IGF1R: variants seen among roughly 807,000 people sequenced by gnomAD.
IGF1R encodes the protein insulin like growth factor 1 receptor.
Under a neutral mutation model 144.6 loss-of-function variants are expected in IGF1R, and 44 were observed. The observed-to-expected ratio is 0.30, with a 90% CI of 0.24 to 0.39. The LOEUF is 0.39. Among genes scored for constraint, IGF1R ranks in the 10% least tolerant of loss-of-function variants. The pLI, the probability that IGF1R is intolerant of heterozygous loss-of-function variation, is 1.00. For missense variants in IGF1R, 1,355 were observed against 1,833.7 expected, an observed-to-expected ratio of 0.74 and a Z score of 4.77; for synonymous variants, 795 against 722.8, an observed-to-expected ratio of 1.10 and a Z score of -1.60.
chr15:98,659,887 A>T (rs1343100047), intron 1 of IGF1R, among the ~76,000 whole-genome samples: 1 of 152,210 alleles, frequency 6.6e-6, no homozygotes, highest in East Asian at 1.9e-4. Flanking sequence ...TATGTGGTTA[A>T]GATGCTCGCC....
chr15:98,696,172 CTCTCTATTGCAATTCCAA>C (rs1382791812), intron 1 of IGF1R, among the ~76,000 whole-genome samples: 3 of 152,008 alleles, frequency 2.0e-5, no homozygotes, highest in Non-Finnish European at 1.5e-5. Context: ...CATTTATTTC[CTCTCTATTGCAATTCCAA>C]TCTGTTGATC....
At chr15:98,753,587 T>G (rs1367502087) in intron 2 of IGF1R, among the ~76,000 whole-genome samples, 4 of 151,878 alleles carry the variant, frequency 2.6e-5, no homozygotes, top group African/African-American at 9.7e-5. Context: ...ATGTGGGTTT[T>G]TTTTCCTCCT....
intron 19 of IGF1R, among the ~76,000 whole-genome samples, chr15:98,943,348 C>A (rs1172857894): frequency 6.6e-6 from 1 of 152,220 alleles, no homozygotes. Context: ...GCCGTCACCT[C>A]TTTTTGTTTC....
At chr15:98,867,245 A>C (rs1361093032) in intron 2 of IGF1R, among the ~76,000 whole-genome samples, 1 of 152,186 alleles carries the variant, frequency 6.6e-6, no homozygotes, top group Non-Finnish European at 1.5e-5. Context: ...TTTGCGCAGC[A>C]ACAAAAGCCA....
chr15:98,785,343 A>C (rs1161937401), intron 2 of IGF1R, among the ~76,000 whole-genome samples: 1 of 152,208 alleles, frequency 6.6e-6, no homozygotes, highest in African/African-American at 2.4e-5. Context: ...TTATCCTTCT[A>C]TCAGATGTCA....
intron 2 of IGF1R, among the ~76,000 whole-genome samples, chr15:98,772,237 A>C (rs1014805566): frequency 4.6e-5 from 7 of 152,274 alleles, no homozygotes; most frequent in Admixed American, 4.6e-4. Context: ...AATTGGTGAA[A>C]TACCAACTTT....
chr15:98,930,073 T>C (rs948726402), intron 14 of IGF1R, among the ~76,000 whole-genome samples, 162 bp from the exon 15 acceptor site: 1 of 152,258 alleles, frequency 6.6e-6, no homozygotes, highest in Non-Finnish European at 1.5e-5. Flanking sequence ...CAGGCCTGAA[T>C]TGGGAGTGTA....
In IGF1R at chr15:98,909,245, T is replaced by TC. The variant is rs2014879143; in HGVS notation, c.1462+346_1462+347insC. Among the ~76,000 whole-genome samples the TC allele has an allele frequency of 1.3e-4, 3 of 22,274 alleles. No individual in the cohort carries two copies. In the South Asian group the frequency reaches 0.01, roughly 77 times the overall value. 14.6% of individuals were successfully genotyped at this position (22,274 alleles called of 152,430 possible). On this transcript the variant is annotated intron_variant, in intron 6 of 20. Coordinates refer to ENST00000650285, the MANE Select transcript of IGF1R (RefSeq NM_000875.5). Reference sequence around the variant, plus strand: ...ATTTCTCTTTCTTTTTTCTTTTCTTTTTTTTCTTTTTTTTTCTTTTTTTTT... The same window carrying TC: ...ATTTCTCTTTCTTTTTTCTTTTCTTTCTTTTTCTTTTTTTTTCTTTTTTTTT...
At chr15:98,826,270 A>T (rs890548039) in intron 2 of IGF1R, among the ~76,000 whole-genome samples, 1 of 152,250 alleles carries the variant, frequency 6.6e-6, no homozygotes. Context: ...TAACGGTAGG[A>T]CTTTCCTCAG....
At chr15:98,886,010 G>A (rs925583231) in intron 2 of IGF1R, among the ~76,000 whole-genome samples, 1 of 152,010 alleles carries the variant, frequency 6.6e-6, no homozygotes, top group East Asian at 1.9e-4. Flanking sequence ...AAGAGATGGG[G>A]TTTCGCCATG....
At position 98,648,916 on chromosome 15, in the gene IGF1R, C is replaced by A. The variant is rs1323723116; in HGVS notation, c.-666C>A. 1.2e-5 allele frequency: 2 copies of A among 165,102 alleles called. No homozygotes were observed. The highest frequency in any genetic ancestry group is 2.1e-4 in the East Asian group (2 of 9,352). 10.2% of individuals were successfully genotyped at this position (165,102 alleles called of 1,614,324 possible). A position where few individuals can be genotyped will look rare whatever the true frequency, so the allele number is the denominator to read the frequency against. On this transcript the variant is annotated 5_prime_UTR_variant, in exon 1 of 21. Transcript: ENST00000650285. ...GGCGGCGCAGAGCCGGGCGGCGCGG[C>A]GGGAGTGCTGAGCGCGGCGCGGCCG...
chr15:98,800,123 G>C (rs1256046416), intron 2 of IGF1R, among the ~76,000 whole-genome samples: 1 of 152,106 alleles, frequency 6.6e-6, no homozygotes, highest in Non-Finnish European at 1.5e-5. Context: ...GATTTCTAGG[G>C]ACTTGGTGTT....
At chr15:98,772,110 C>T (rs1189217484) in intron 2 of IGF1R, among the ~76,000 whole-genome samples, 1 of 152,124 alleles carries the variant, frequency 6.6e-6, no homozygotes, top group Non-Finnish European at 1.5e-5. Context: ...ACAGAGAATT[C>T]TAATTGAAGT....
intron 20 of IGF1R, among the ~76,000 whole-genome samples, chr15:98,950,766 C>G (rs2016741462): frequency 6.6e-6 from 1 of 152,200 alleles, no homozygotes; most frequent in South Asian, 2.1e-4. Context: ...CTCATGTTCA[C>G]AAGTCCCACC....
At chr15:98,908,565 A>T in intron 5 of IGF1R, 120 bp from the exon 6 acceptor site, 2 of 738,938 alleles carry the variant, frequency 2.7e-6, no homozygotes, top group Non-Finnish European at 4.8e-6. Flanking sequence ...TAAATCTCTT[A>T]TTGGCAAAGG....
chr15:98,954,374 C>T (rs1349035702), intron 20 of IGF1R: 1 of 148,502 alleles, frequency 6.7e-6, no homozygotes, highest in East Asian at 2.0e-4. Flanking sequence ...TGGCGCCAGC[C>T]TCCCCAGAAC....
intron 2 of IGF1R, among the ~76,000 whole-genome samples, chr15:98,837,803 A>C (rs566270380): frequency 6.6e-6 from 1 of 152,228 alleles, no homozygotes; most frequent in Non-Finnish European, 1.5e-5. Flanking sequence ...AAACAGTTTC[A>C]TTCACCATAC....
rs2052283878 is a variant in IGF1R, at chr15:98,649,425, C to A, written c.-157C>A. 4.3e-6 allele frequency: 2 copies of A among 461,324 alleles called. No homozygotes were observed. Among genetic ancestry groups the A allele is most frequent in the Non-Finnish European group, 7.2e-6 (2 of 276,680 alleles). 28.6% of individuals were successfully genotyped at this position (461,324 alleles called of 1,614,324 possible). ...CGCACCCGGAGGGCCCCGGCGGCGC[C>A]GCCTTCGGAGTATTGTTTCCTTCGC... On this transcript the variant is annotated 5_prime_UTR_variant, in exon 1 of 21. Transcript: ENST00000650285.
At chr15:98,737,761 G>A (rs2054645238) in intron 2 of IGF1R, among the ~76,000 whole-genome samples, 1 of 152,086 alleles carries the variant, frequency 6.6e-6, no homozygotes, top group South Asian at 2.1e-4. Flanking sequence ...TAGAGTGGAG[G>A]GAGAAAGAGA....
Sources: gnomAD v4.1 joint callset for allele counts (sites outside exome capture counted in the v4.1 genomes callset) on GRCh38, gnomAD v4.1.1 for gene constraint, MANE v1.5 for transcripts, NCBI Gene and HGNC (gene_info 2026-07-23, HGNC 2026-07-21) for gene names.